The following FBXO33 variants were observed in gnomAD, a reference collection of about 807,000 sequenced individuals.
FBXO33 encodes F-box protein 33.
In FBXO33, 22 loss-of-function variants were observed where a neutral mutation model predicts 46.3. The ratio of observed to expected loss-of-function variants is 0.48; its 90% CI spans 0.34 to 0.68. The LOEUF (loss-of-function observed/expected upper bound fraction) is 0.68, where lower values mean the gene tolerates loss of function less well. Ranked by LOEUF, FBXO33 falls within the 30% of genes least tolerant of loss-of-function variation. FBXO33 has a pLI of 0.01. For synonymous variants in FBXO33, 337 were observed against 291.3 expected, an observed-to-expected ratio of 1.16 and a Z score of -1.60; for missense variants, 692 against 708.8, an observed-to-expected ratio of 0.98 and a Z score of 0.27.
intron 1 of FBXO33, among the ~76,000 whole-genome samples, chr14:39,404,821 G>C (rs2075385883): frequency 6.6e-6 from 1 of 152,042 alleles, no homozygotes; most frequent in Admixed American, 6.5e-5. Flanking sequence ...CTATGTCAAA[G>C]AAAAAATTTT....
rs572475857 is a variant in FBXO33 at position 39,425,357 on chromosome 14, GA to G, written c.599+6206del. 5.6e-3 allele frequency among the ~76,000 whole-genome samples: 854 copies of G among 152,218 alleles called. 5 individuals carry two copies. Among genetic ancestry groups the G allele is most frequent in the Non-Finnish European group, 7.5e-3 (512 of 68,014 alleles). On this transcript the variant is annotated intron_variant, in intron 1 of 3. Coordinates refer to ENST00000298097, the MANE Select transcript of FBXO33 (RefSeq NM_203301.4). ...TTTGATTTAATACACAGGAACAATA[GA>G]AAAATGCAAAATGCAGCCACCTTAA...
chr14:39,409,160 C>G (rs1447789307), intron 1 of FBXO33, among the ~76,000 whole-genome samples: 6 of 152,112 alleles, frequency 3.9e-5, no homozygotes, highest in African/African-American at 1.4e-4. Flanking sequence ...AAGTCATTAC[C>G]AAGACCAATG....
chr14:39,407,884 G>C (rs1193213963), intron 1 of FBXO33, among the ~76,000 whole-genome samples: 1 of 152,122 alleles, frequency 6.6e-6, no homozygotes, highest in Non-Finnish European at 1.5e-5. Context: ...CATAGTGGCT[G>C]CACCATTTTA....
At chr14:39,431,476 G>C in intron 1 of FBXO33, 88 bp downstream of exon 1, 14 of 1,579,818 alleles carry the variant, frequency 8.9e-6, no homozygotes, top group Non-Finnish European at 1.2e-5. Context: ...AGTTGGCCGG[G>C]CACGTATTAT....
At position 39,432,293 on chromosome 14, in the gene FBXO33, C is replaced by T. The variant is rs2075566980; in HGVS notation, c.-131G>A. The T allele has an allele frequency of 1.3e-6, 1 of 746,300 alleles. No homozygotes were observed. The highest frequency in any genetic ancestry group is 4.3e-5 in the East Asian group (1 of 23,462). The allele number at this position is 746,300 out of a possible 1,614,324, so 46.2% of individuals were successfully genotyped here. The stretch of plus-strand genomic sequence containing the variant: ...GAGCCAGCCTCTGTCTTCTCAAACT[C>T]TACTCACGTGCGTCCGAGGCCGGCA... On this transcript the variant is annotated 5_prime_UTR_variant, in exon 1 of 4. Transcript: ENST00000298097.
At chr14:39,417,542 T>TC (rs1016124169) in intron 1 of FBXO33, among the ~76,000 whole-genome samples, 8 of 152,102 alleles carry the variant, frequency 5.3e-5, no homozygotes, top group Non-Finnish European at 1.0e-4. Flanking sequence ...TGTTATTTTT[T>TC]TTTTTTGAAA....
intron 1 of FBXO33, among the ~76,000 whole-genome samples, chr14:39,427,565 T>TG (rs1394636443): frequency 1.3e-5 from 2 of 152,210 alleles, no homozygotes; most frequent in African/African-American, 4.8e-5. Context: ...TAAAAACTGT[T>TG]GGAGATAATA....
At chr14:39,414,342 T>C (rs1365411579) in intron 1 of FBXO33, among the ~76,000 whole-genome samples, 1 of 152,236 alleles carries the variant, frequency 6.6e-6, no homozygotes, top group African/African-American at 2.4e-5. Context: ...GATTAGACTT[T>C]GGATTAAGGG....
intron 1 of FBXO33, among the ~76,000 whole-genome samples, chr14:39,418,381 C>T (rs987551075): frequency 6.6e-6 from 1 of 151,530 alleles, no homozygotes; most frequent in East Asian, 1.9e-4. Flanking sequence ...TCTATTATTA[C>T]AAGCACATAT....
chr14:39,415,995 CAG>C (rs2075446847), intron 1 of FBXO33, among the ~76,000 whole-genome samples: 2 of 152,260 alleles, frequency 1.3e-5, no homozygotes, highest in South Asian at 2.1e-4. Context: ...ACATTTATAT[CAG>C]AGTTACAGTG....
chr14:39,420,666 G>C (rs1391797074), intron 1 of FBXO33, among the ~76,000 whole-genome samples: 2 of 152,080 alleles, frequency 1.3e-5, no homozygotes, highest in Non-Finnish European at 2.9e-5. Flanking sequence ...ACTCCAGCCT[G>C]GGGGACAGAG....
In FBXO33 at chr14:39,432,133, G is replaced by A. The variant is rs1336579684; in HGVS notation, c.30C>T (p.Pro10=). ...CTCGGGTTCGAGCTCCCGGCGGTCG[G>A]GGCTGCGGCACTGACAAGAACAACA... is the stretch of plus-strand genomic sequence containing the variant. MLLFLSVPQ[P]RPPGARTRAG... Residue 10 remains proline (P), a synonymous_variant, in exon 1 of 4, where the codon CCC becomes CCT. Coordinates refer to ENST00000298097, the MANE Select transcript of FBXO33 (RefSeq NM_203301.4). 2.4e-6 allele frequency: 3 copies of A among 1,240,888 alleles called. No homozygotes were observed. Among genetic ancestry groups the A allele is most frequent in the Admixed American group, 4.2e-5 (1 of 23,922 alleles). The allele number at this position is 1,240,888 out of a possible 1,614,324, so 76.9% of individuals were successfully genotyped here. A position where few individuals can be genotyped will look rare whatever the true frequency, so the allele number is the denominator to read the frequency against.
chr14:39,403,392 T>C (rs113964369), intron 1 of FBXO33, among the ~76,000 whole-genome samples: 1 of 152,116 alleles, frequency 6.6e-6, no homozygotes, highest in African/African-American at 2.4e-5. Flanking sequence ...GGTCGGGAGT[T>C]CGAGACCAGC....
intron 1 of FBXO33, 67 bp downstream of exon 1, chr14:39,431,497 T>C: frequency 6.3e-7 from 1 of 1,596,850 alleles, no homozygotes; most frequent in South Asian, 1.1e-5. Context: ...GCACAGAATC[T>C]GTGTCGGGGT....
chr14:39,430,424 G>C (rs2075537630), intron 1 of FBXO33, among the ~76,000 whole-genome samples: 1 of 151,810 alleles, frequency 6.6e-6, no homozygotes, highest in Non-Finnish European at 1.5e-5. Context: ...ATTAAACCAG[G>C]GACTGCTCTC....
At chr14:39,407,372 G>C (rs912436113) in intron 1 of FBXO33, among the ~76,000 whole-genome samples, 4 of 152,136 alleles carry the variant, frequency 2.6e-5, no homozygotes, top group African/African-American at 9.7e-5. Context: ...ATCCTAATAG[G>C]TACTATGCTT....
chr14:39,412,489 T>C (rs2075428181), intron 1 of FBXO33, among the ~76,000 whole-genome samples: 1 of 152,242 alleles, frequency 6.6e-6, no homozygotes, highest in Non-Finnish European at 1.5e-5. Flanking sequence ...TCCTGTTTTT[T>C]AATTCATTCA....
intron 1 of FBXO33, among the ~76,000 whole-genome samples, chr14:39,413,943 G>C (rs548871141): frequency 1.0e-3 from 154 of 152,286 alleles, no homozygotes; most frequent in Middle Eastern, 3.4e-3. Context: ...TAGGACTTTT[G>C]GAATGGCAAA....
At position 39,401,606 on chromosome 14, in the gene FBXO33, C is replaced by G; in HGVS notation, c.966G>C (p.Met322Ile). Residue 322 changes from methionine (M) to isoleucine (I), a missense_variant, in exon 3 of 4, where the codon ATG becomes ATC. By Grantham distance (10) the Met-to-Ile change is conservative. Coordinates refer to ENST00000298097, the MANE Select transcript of FBXO33 (RefSeq NM_203301.4). ...ALDFCDFTAE[M>I]ARVLTDSNHV... ...GGTTGCTATCAGTTAAGACTCTTGC[C>G]ATCTCAGCTGTAAAGTCACAAAAAT... 6.2e-7 allele frequency: 1 copy of G among 1,614,120 alleles called. No homozygotes were observed. Among genetic ancestry groups the G allele is most frequent in the Non-Finnish European group, 8.5e-7 (1 of 1,180,014 alleles).
Sources: gnomAD v4.1 joint callset for allele counts (sites outside exome capture counted in the v4.1 genomes callset) on GRCh38, gnomAD v4.1.1 for gene constraint, MANE v1.5 for transcripts, NCBI Gene and HGNC (gene_info 2026-07-23, HGNC 2026-07-21) for gene names.